Variants in SYN1 observed in about 807,000 individuals in gnomAD.
SYN1 encodes the protein synapsin-1.
In SYN1, 8 loss-of-function variants were observed where a neutral mutation model predicts 44.6. That is an observed-to-expected ratio of 0.18 (90% CI 0.11 to 0.32). The LOEUF is 0.32. SYN1 is among the 10% of genes least tolerant of loss of function. The pLI, the probability that SYN1 is intolerant of heterozygous loss-of-function variation, is 1.00. For synonymous variants in SYN1, 275 were observed against 280.1 expected, an observed-to-expected ratio of 0.98 and a Z score of 0.18; for missense variants, 451 against 639.4, an observed-to-expected ratio of 0.71 and a Z score of 3.18.
At chrX:47,591,316 C>A (rs868635523) in intron 5 of SYN1, among the ~76,000 whole-genome samples, 2 of 112,465 alleles carry the variant, frequency 1.8e-5, no homozygotes, top group Admixed American at 1.9e-4. Flanking sequence ...TACCAGGCAC[C>A]AGGAATTAAT....
intron 1 of SYN1, among the ~76,000 whole-genome samples, chrX:47,615,946 G>C (rs1201662125): frequency 9.0e-6 from 1 of 111,549 alleles, no homozygotes; most frequent in Non-Finnish European, 1.9e-5. Flanking sequence ...AAATGGGGGA[G>C]ATGAGTCTCA....
chrX:47,618,954 T>C (rs1478315955), intron 1 of SYN1, among the ~76,000 whole-genome samples: 1 of 110,947 alleles, frequency 9.0e-6, no homozygotes, highest in African/African-American at 3.3e-5. Flanking sequence ...GAAGGGCTCT[T>C]GGATGAGGCA....
At chrX:47,588,505 T>C (rs1003688000) in intron 5 of SYN1, among the ~76,000 whole-genome samples, 24 of 112,172 alleles carry the variant, frequency 2.1e-4, no homozygotes, top group African/African-American at 7.4e-4. Context: ...CCGACCTGTC[T>C]ACCCTGCAGG....
intron 5 of SYN1, among the ~76,000 whole-genome samples, chrX:47,599,971 C>A (rs902494848): frequency 8.9e-6 from 1 of 111,970 alleles, no homozygotes; most frequent in African/African-American, 3.2e-5. Flanking sequence ...TTTAAAACAG[C>A]AATTGTTACT....
chrX:47,596,957 AAACTATGTTTAAAG>A (rs1466062900), intron 5 of SYN1, among the ~76,000 whole-genome samples: 1 of 112,453 alleles, frequency 8.9e-6, no homozygotes, highest in African/African-American at 3.2e-5. Flanking sequence ...GAACTAAAGG[AAACTATGTTTAAAG>A]AACTTAAAGG....
intron 1 of SYN1, among the ~76,000 whole-genome samples, chrX:47,616,296 G>T (rs2057931147): frequency 9.0e-6 from 1 of 111,678 alleles, no homozygotes; most frequent in African/African-American, 3.3e-5. Flanking sequence ...GATAAAGGGG[G>T]GCTTCTGAGA....
chrX:47,586,116 G>A, intron 5 of SYN1: 1 of 939,334 alleles, frequency 1.1e-6, no homozygotes, highest in Non-Finnish European at 1.3e-6. Flanking sequence ...GCTAGTCCAA[G>A]CCTGTTCCCT....
chrX:47,582,601 C>T (rs776619439), intron 5 of SYN1: 2 of 366,225 alleles, frequency 5.5e-6, no homozygotes. Context: ...GTACCAGGAC[C>T]CTGGGCTAGT....
chrX:47,586,788 C>G, intron 5 of SYN1: 3 of 1,053,680 alleles, frequency 2.8e-6, no homozygotes, highest in Non-Finnish European at 2.5e-6. Context: ...TACCACCCAG[C>G]AGACACTGTT....
chrX:47,574,861 C>T, intron 10 of SYN1, 86 bp from the exon 11 acceptor site: 5 of 940,050 alleles, frequency 5.3e-6, no homozygotes, highest in Non-Finnish European at 7.5e-6. Context: ...GTTCCCTGTG[C>T]GCTGGGTGTT....
intron 5 of SYN1, among the ~76,000 whole-genome samples, chrX:47,604,324 G>T (rs1342368647): frequency 9.3e-6 from 1 of 107,550 alleles, no homozygotes; most frequent in Non-Finnish European, 1.9e-5. Context: ...GTGATCTCTG[G>T]TCACTGCAAC....
intron 3 of SYN1, among the ~76,000 whole-genome samples, 194 bp downstream of exon 3, chrX:47,606,751 A>ATATATATATAT (rs1345170011): frequency 2.1e-5 from 2 of 93,255 alleles, no homozygotes; most frequent in African/African-American, 8.1e-5. Flanking sequence ...ATATATATAT[A>ATATATATATAT]TTTTTTTTTA....
At position 47,572,655 on chromosome X, in the gene SYN1, G is replaced by T. The variant is rs181776323; in HGVS notation, c.*209C>A. 7.6e-5 allele frequency: 35 copies of T among 460,513 alleles called. 1 individual carries two copies. In the Admixed American group the frequency reaches 1.2e-3, roughly 16 times the overall value. The allele number at this position is 460,513 out of a possible 1,213,427, so 38.0% of individuals were successfully genotyped here. Reference sequence around the variant, plus strand: ...GTGACCACGAGTGGGGTTCTAAAAGGACTTGGGGATTCCACATGTGAGAAC... The same window carrying T: ...GTGACCACGAGTGGGGTTCTAAAAGTACTTGGGGATTCCACATGTGAGAAC... On this transcript the variant is annotated 3_prime_UTR_variant, in exon 13 of 13. Coordinates refer to ENST00000295987, the MANE Select transcript of SYN1 (RefSeq NM_006950.3).
chrX:47,577,973 T>C (rs2057783454), intron 5 of SYN1, among the ~76,000 whole-genome samples: 1 of 110,233 alleles, frequency 9.1e-6, no homozygotes, highest in African/African-American at 3.3e-5. Context: ...TTGAGAGGCA[T>C]GAGCCCTTGG....
chrX:47,608,223 AAAGG>A (rs1158172239), intron 1 of SYN1, among the ~76,000 whole-genome samples: 11 of 56,638 alleles, frequency 1.9e-4, no homozygotes, highest in South Asian at 1.3e-3. Context: ...AAATAAAGAG[AAAGG>A]AAGGAAGGAA....
intron 5 of SYN1, among the ~76,000 whole-genome samples, chrX:47,595,645 T>TTA (rs905355309): frequency 6.3e-5 from 7 of 111,778 alleles, no homozygotes; most frequent in Middle Eastern, 4.7e-3. Context: ...ATATATGAAA[T>TTA]TATATATATA....
intron 1 of SYN1, among the ~76,000 whole-genome samples, chrX:47,610,909 C>G (rs2057914786): frequency 9.0e-6 from 1 of 111,262 alleles, no homozygotes; most frequent in Non-Finnish European, 1.9e-5. Context: ...AGGATACACT[C>G]AACTTATGAA....
intron 1 of SYN1, among the ~76,000 whole-genome samples, chrX:47,610,449 C>T (rs1285971367): frequency 9.8e-6 from 1 of 102,069 alleles, no homozygotes; most frequent in African/African-American, 3.6e-5. Flanking sequence ...AATGCCTGCC[C>T]CCCTCAGAGT....
intron 5 of SYN1, among the ~76,000 whole-genome samples, chrX:47,590,701 T>C (rs988986473): frequency 7.2e-5 from 8 of 110,587 alleles, no homozygotes; most frequent in Non-Finnish European, 1.5e-4. Context: ...AAGGATGCGA[T>C]GGGGCCTTGA....
Sources: gnomAD v4.1 joint callset for allele counts (sites outside exome capture counted in the v4.1 genomes callset) on GRCh38, gnomAD v4.1.1 for gene constraint, MANE v1.5 for transcripts, NCBI Gene and HGNC (gene_info 2026-07-23, HGNC 2026-07-21) for gene names.